DHX57: variants seen among roughly 807,000 people sequenced by gnomAD.
DHX57 encodes the protein putative ATP-dependent RNA helicase DHX57.
DHX57 carries 105 observed loss-of-function variants against 156.2 expected under a neutral mutation model. That is an observed-to-expected ratio of 0.67 (90% CI 0.57 to 0.79). The LOEUF (loss-of-function observed/expected upper bound fraction) is 0.79, where lower values mean the gene tolerates loss of function less well. Among genes scored for constraint, DHX57 ranks in the 30% least tolerant of loss-of-function variants. DHX57 has a pLI of 0.00. For synonymous variants in DHX57, 704 were observed against 595.6 expected (o/e 1.18, Z -2.65); for missense variants, 1,847 against 1,661.9 (o/e 1.11, Z -1.94).
intron 12 of DHX57, 72 bp from the exon 13 acceptor site, chr2:38,838,019 C>A: frequency 2.1e-6 from 2 of 944,302 alleles, no homozygotes; most frequent in Non-Finnish European, 1.7e-6. Context: ...ATATTTATAC[C>A]ATATACAATA....
At chr2:38,869,353 G>A (rs979387706) in intron 1 of DHX57, among the ~76,000 whole-genome samples, 2 of 152,198 alleles carry the variant, frequency 1.3e-5, no homozygotes, top group Non-Finnish European at 2.9e-5. Context: ...TGTGGGGAAA[G>A]GGAGATTACA....
At chr2:38,824,134 G>T (rs1670971893) in intron 16 of DHX57, among the ~76,000 whole-genome samples, 1 of 152,132 alleles carries the variant, frequency 6.6e-6, no homozygotes, top group African/African-American at 2.4e-5. Context: ...AGTGGATAAA[G>T]AAAGTGCAGT....
At chr2:38,839,459 C>T (rs949922589) in intron 12 of DHX57, among the ~76,000 whole-genome samples, 3 of 151,458 alleles carry the variant, frequency 2.0e-5, no homozygotes, top group Admixed American at 2.0e-4. Context: ...TGCCTGTAAT[C>T]CCAGCACTTT....
chr2:38,828,185 C>T (rs1005083929), intron 14 of DHX57, among the ~76,000 whole-genome samples, 155 bp downstream of exon 14: 8 of 152,160 alleles, frequency 5.3e-5, no homozygotes, highest in African/African-American at 1.9e-4. Flanking sequence ...AAGGGAATAA[C>T]TGATTTCCTG....
intron 6 of DHX57, among the ~76,000 whole-genome samples, chr2:38,858,442 T>C (rs558100380): frequency 6.6e-6 from 1 of 152,318 alleles, no homozygotes; most frequent in South Asian, 2.1e-4. Flanking sequence ...TGAGACTATT[T>C]GGCATATATG....
chr2:38,850,951 C>T (rs1166631544), intron 9 of DHX57, among the ~76,000 whole-genome samples: 5 of 152,082 alleles, frequency 3.3e-5, no homozygotes, highest in Non-Finnish European at 7.4e-5. Flanking sequence ...GTGGCGTGCA[C>T]CTGTAGTTGC....
In DHX57 at chr2:38,861,283, G is replaced by C. The variant is rs769232728; in HGVS notation, c.1127C>G (p.Ser376Cys). The change falls in exon 5 of 24, where the codon TCC becomes TGC. Residue 376 changes from serine to cysteine, a missense_variant. Coordinates refer to ENST00000457308, the MANE Select transcript of DHX57 (RefSeq NM_198963.3). ...PYQAPLVAFY[S>C]TNENLPLACR... ...AGCCAGAGGTAGGTTCTCATTGGTG[G>C]AATAAAATGCCACGAGCGGAGCTTG... The C allele has an allele frequency of 6.2e-7, 1 of 1,614,158 alleles. No individual in the cohort carries two copies. Among genetic ancestry groups the C allele is most frequent in the Admixed American group, 1.7e-5 (1 of 60,012 alleles).
intron 17 of DHX57, 58 bp downstream of exon 17, chr2:38,822,935 C>T: frequency 6.4e-7 from 1 of 1,560,264 alleles, no homozygotes; most frequent in Non-Finnish European, 8.7e-7. Context: ...CCCATGGTCC[C>T]CTTAGAGACC....
At chr2:38,852,605 A>ATT (rs542654940) in intron 9 of DHX57, among the ~76,000 whole-genome samples, 16 of 130,986 alleles carry the variant, frequency 1.2e-4, no homozygotes, top group Admixed American at 1.5e-4. Flanking sequence ...CAGACTTTTA[A>ATT]TTTTTTTTTT....
chr2:38,856,606 C>T (rs994666061), intron 6 of DHX57, 145 bp from the exon 7 acceptor site: 14 of 1,029,274 alleles, frequency 1.4e-5, no homozygotes, highest in South Asian at 5.3e-5. Flanking sequence ...CAGGCTCTAG[C>T]GATCCTCCCG....
At chr2:38,871,994 C>G (rs1201322653) in intron 1 of DHX57, among the ~76,000 whole-genome samples, 3 of 152,172 alleles carry the variant, frequency 2.0e-5, no homozygotes, top group African/African-American at 7.2e-5. Flanking sequence ...AGGCGTGAGC[C>G]ACCGCGCCCG....
At chr2:38,850,229 A>T (rs1024536522) in intron 9 of DHX57, among the ~76,000 whole-genome samples, 2 of 152,196 alleles carry the variant, frequency 1.3e-5, no homozygotes, top group Non-Finnish European at 2.9e-5. Flanking sequence ...CTAAGAAAGG[A>T]ACTGAGAGTG....
chr2:38,800,493 C>T (rs1423425765), intron 23 of DHX57, among the ~76,000 whole-genome samples: 1 of 152,162 alleles, frequency 6.6e-6, no homozygotes, highest in East Asian at 1.9e-4. Flanking sequence ...TGTTTTGCCC[C>T]TTCCCCACTG....
intron 13 of DHX57, among the ~76,000 whole-genome samples, chr2:38,834,331 CAAAAA>C (rs33985881): frequency 1.2e-5 from 1 of 83,864 alleles, no homozygotes; most frequent in African/African-American, 4.3e-5. Context: ...AACTCCATCT[CAAAAA>C]AAAAAAAAAA....
intron 9 of DHX57, among the ~76,000 whole-genome samples, 164 bp from the exon 10 acceptor site, chr2:38,848,566 C>G (rs746402288): frequency 1.3e-5 from 2 of 151,358 alleles, no homozygotes; most frequent in African/African-American, 2.4e-5. Flanking sequence ...TGAAGCCTTA[C>G]TATTACAGGT....
At chr2:38,868,551 G>A (rs1665198926) in intron 1 of DHX57, 140 bp from the exon 2 acceptor site, 1 of 910,024 alleles carries the variant, frequency 1.1e-6, no homozygotes, top group African/African-American at 1.7e-5. Context: ...CTTGGGGCAG[G>A]ATTCTGAATC....
intron 9 of DHX57, among the ~76,000 whole-genome samples, chr2:38,850,887 C>T (rs1672551763): frequency 6.6e-6 from 1 of 151,850 alleles, no homozygotes; most frequent in Non-Finnish European, 1.5e-5. Flanking sequence ...CAAGCCTGGC[C>T]AACATGGTGA....
In DHX57 at chr2:38,863,053, C is replaced by T. The variant is rs73930371; in HGVS notation, c.383+308G>A. ...ACCGAGTCAATATTTGCTCATTCAA[C>T]ACTACTTCTACTTGTTCATTACAAG... On this transcript the variant is annotated intron_variant, in intron 3 of 23. Coordinates refer to ENST00000457308, the MANE Select transcript of DHX57 (RefSeq NM_198963.3). 7.1e-3 allele frequency: 1,612 copies of T among 227,414 alleles called. 35 individuals carry two copies. The highest frequency in any genetic ancestry group is 0.034 in the African/African-American group (1,519 of 44,174). The allele number at this position is 227,414 out of a possible 1,614,324, so 14.1% of individuals were successfully genotyped here.
At chr2:38,875,527 GC>G (rs201923676) in intron 1 of DHX57, among the ~76,000 whole-genome samples, 7 of 147,888 alleles carry the variant, frequency 4.7e-5, no homozygotes, top group African/African-American at 1.0e-4. Context: ...TTCACGCCCC[GC>G]CCCCCCCGGC....
Sources: gnomAD v4.1 joint callset for allele counts (sites outside exome capture counted in the v4.1 genomes callset) on GRCh38, gnomAD v4.1.1 for gene constraint, MANE v1.5 for transcripts, NCBI Gene and HGNC (gene_info 2026-07-23, HGNC 2026-07-21) for gene names.